ZAN: variants seen among roughly 807,000 people sequenced by gnomAD.
The protein encoded by ZAN is zonadhesin (gene/pseudogene).
ZAN carries 260 observed loss-of-function variants against 286.2 expected under a neutral mutation model. That is an observed-to-expected ratio of 0.91 (90% CI 0.82 to 1.01). The LOEUF (loss-of-function observed/expected upper bound fraction) is 1.01, where lower values mean the gene tolerates loss of function less well. Among genes scored for constraint, ZAN ranks in the 50% least tolerant of loss-of-function variants. ZAN has a pLI of 0.00. For synonymous variants in ZAN, 1,368 were observed against 1,417.5 expected (o/e 0.97, Z 0.79); for missense variants, 3,410 against 3,639.2 (o/e 0.94, Z 1.62).
In ZAN at chr7:100,764,232, C is replaced by T. The variant is rs190987674; in HGVS notation, c.4267+36C>T. ...CCAAACTCAGAGGAGAGGCCGGGCACGGTGGCTCACACCTATAATCCCAGC... is the reference window on the plus strand; with the variant it reads ...CCAAACTCAGAGGAGAGGCCGGGCATGGTGGCTCACACCTATAATCCCAGC... On this transcript the variant is annotated intron_variant, in intron 22 of 47. Transcript: ENST00000613979. The T allele has an allele frequency of 1.9e-4, 280 of 1,475,286 alleles. 1 individual carries two copies. The African/African-American group carries it at 2.7e-3, about 14-fold the overall frequency. 91.4% of individuals were successfully genotyped at this position (1,475,286 alleles called of 1,614,324 possible). A position where few individuals can be genotyped will look rare whatever the true frequency, so the allele number is the denominator to read the frequency against.
Position 100,762,192 on chromosome 7 carries a change from C to G in ZAN, c.3843-23C>G, listed in dbSNP as rs1478288562. 7 of 1,611,630 alleles carry G rather than the reference C, an allele frequency of 4.3e-6. No homozygotes were observed. The East Asian group carries it at 1.3e-4, about 31-fold the overall frequency. ...CGAGGCTGCTTCTCTCCATTAACGC[C>G]AGCTCCTCTCCTGTTCCCCTAGCAC... On this transcript the variant is annotated intron_variant, in intron 19 of 47. Coordinates refer to ENST00000613979, the MANE Select transcript of ZAN (RefSeq NM_003386.3).
At chr7:100,738,961 CCCTCTCCCTCTCCCTCTCCCTCT>C (rs1807540684) in intron 7 of ZAN, among the ~76,000 whole-genome samples, 1 of 24,160 alleles carries the variant, frequency 4.1e-5, no homozygotes, top group African/African-American at 1.4e-4. Context: ...CTCTCCCTCT[CCCTCTCCCTCTCCCTCTCCCTCT>C]CCCTCTCCTT....
chr7:100,736,278 A>T lies in ZAN; in HGVS notation c.107-205A>T, dbSNP rs1260908021. Among the ~76,000 whole-genome samples the T allele has an allele frequency of 2.8e-5, 4 of 142,162 alleles. 1 individual carries two copies. The highest frequency in any genetic ancestry group is 1.0e-4 in the African/African-American group (4 of 39,026). The allele number at this position is 142,162 out of a possible 152,430, so 93.3% of individuals were successfully genotyped here. ...GAGTGCAGTGGCGCGATCTTGGCTCACTGCAAAGTCCGCCTCCTGGGTTCA... is the reference window on the plus strand; with the variant it reads ...GAGTGCAGTGGCGCGATCTTGGCTCTCTGCAAAGTCCGCCTCCTGGGTTCA... On this transcript the variant is annotated intron_variant, in intron 3 of 47. Coordinates refer to ENST00000613979, the MANE Select transcript of ZAN (RefSeq NM_003386.3).
At chr7:100,750,554 G>C (rs1808580792) in intron 11 of ZAN, 71 bp from the exon 12 acceptor site, 1 of 1,540,346 alleles carries the variant, frequency 6.5e-7, no homozygotes, top group African/African-American at 1.4e-5. Flanking sequence ...AGAAAGCAAA[G>C]CTTTGCTAAA....
At position 100,792,388 on chromosome 7, in the gene ZAN, C is replaced by T. The variant is rs1419768179; in HGVS notation, c.7713-17C>T. 6.3e-7 allele frequency: 1 copy of T among 1,594,314 alleles called. No individual in the cohort carries two copies. The highest frequency in any genetic ancestry group is 1.3e-5 in the African/African-American group (1 of 74,464). ...CCCCAAACTGACTGTGCCCTTCCTG[C>T]CCCCTCTCTGCACCAGGCACTGCGT... is the stretch of plus-strand genomic sequence containing the variant. On this transcript the variant is annotated splice_polypyrimidine_tract_variant and intron_variant, in intron 41 of 47. Coordinates refer to ENST00000613979, the MANE Select transcript of ZAN (RefSeq NM_003386.3).
chr7:100,792,044 G>A lies in ZAN; in HGVS notation c.7608G>A (p.Pro2536=), dbSNP rs761994530. 8.7e-6 allele frequency: 14 copies of A among 1,613,172 alleles called. No individual in the cohort carries two copies. The highest frequency in any genetic ancestry group is 1.7e-4 in the Middle Eastern group (1 of 5,726). ...GCCTCCAAGTGTCCGAATGTAGCCC[G>A]GAGCAGCTGGCGAGCAACAGCACCC... ...RTGLQVSECS[P]EQLASNSTQA... The change falls in exon 41 of 48, where the codon CCG becomes CCA. Residue 2536 remains proline (P), a synonymous_variant. Transcript: ENST00000613979.
chr7:100,797,496 G>T, intron 46 of ZAN, 31 bp downstream of exon 46: 1 of 1,613,838 alleles, frequency 6.2e-7, no homozygotes, highest in African/African-American at 1.3e-5. Flanking sequence ...AGGAAGGGCG[G>T]GTGGGGTGTG....
chr7:100,746,175 AC>A (rs1347562184), intron 7 of ZAN, among the ~76,000 whole-genome samples: 1 of 152,012 alleles, frequency 6.6e-6, no homozygotes, highest in East Asian at 1.9e-4. Flanking sequence ...TCTGCAGTGA[AC>A]CATGAGAGCC....
intron 45 of ZAN, among the ~76,000 whole-genome samples, chr7:100,795,594 G>A (rs899221110): frequency 2.0e-5 from 3 of 150,564 alleles, no homozygotes; most frequent in African/African-American, 4.9e-5. Flanking sequence ...CTAGAAATTC[G>A]CAGGACAAGC....
At chr7:100,738,931 C>T (rs368132902) in intron 7 of ZAN, among the ~76,000 whole-genome samples, 1 of 3,358 alleles carries the variant, frequency 3.0e-4, no homozygotes, top group Non-Finnish European at 5.9e-4. Flanking sequence ...CTCTCCCTCT[C>T]CCTCTCCCTC....
At chr7:100,789,630 T>A (rs995817149) in intron 39 of ZAN, among the ~76,000 whole-genome samples, 2 of 149,576 alleles carry the variant, frequency 1.3e-5, no homozygotes, top group Middle Eastern at 7.3e-3. Context: ...GGGAACATAG[T>A]GAGACCCCCG....
Position 100,766,601 on chromosome 7 carries a change from C to A in ZAN, c.4547C>A (p.Pro1516His). 6.4e-7 allele frequency: 1 copy of A among 1,555,784 alleles called. No homozygotes were observed. The change falls in exon 24 of 48, where the codon CCC (proline) becomes CAC (histidine). Residue 1516 changes from proline to histidine, a missense_variant. Around this residue, in one of 7 missense-constraint regions of ZAN, gnomAD observed 1,042 missense variants for 1,058.0 expected, o/e 0.98. Transcript: ENST00000613979. ...CESNNRIRCQ[P>H]WRCRAQEFCG... ...AGCAACAACAGAATTCGCTGCCAGC[C>A]CTGGAGGTGTAGGGCCCAGGAGTTC... is the stretch of plus-strand genomic sequence containing the variant.
At chr7:100,759,952 A>T in intron 18 of ZAN, 107 bp downstream of exon 18, 11 of 1,448,896 alleles carry the variant, frequency 7.6e-6, no homozygotes, top group Non-Finnish European at 1.0e-5. Context: ...CAAGACAGTG[A>T]CCTGCAATCC....
chr7:100,746,060 CA>C (rs111812152), intron 7 of ZAN, among the ~76,000 whole-genome samples: 3 of 149,714 alleles, frequency 2.0e-5, no homozygotes, highest in Admixed American at 1.3e-4. Flanking sequence ...CCTATCTTTT[CA>C]AAAAAAAATG....
chr7:100,780,491 T>G (rs538474288), intron 35 of ZAN, among the ~76,000 whole-genome samples: 1 of 151,868 alleles, frequency 6.6e-6, no homozygotes, highest in Non-Finnish European at 1.5e-5. Context: ...CTGGGCAACA[T>G]AGTGAGACCC....
Position 100,792,461 on chromosome 7 carries a change from G to A in ZAN, c.7769G>A (p.Arg2590His), listed in dbSNP as rs376796357. The A allele has an allele frequency of 1.7e-5, 27 of 1,613,722 alleles. No homozygotes were observed. Among genetic ancestry groups the A allele is most frequent in the African/African-American group, 5.3e-5 (4 of 74,928 alleles). Residue 2590 changes from arginine (R) to histidine (H), a missense_variant, in exon 42 of 48, where the codon CGT becomes CAT. This residue lies in a region of ZAN where 1,289 missense variants were observed against 1,314.3 expected (regional missense o/e 0.98). Transcript: ENST00000613979. Reference sequence around the variant, plus strand: ...GACCCAAGAGAGCAAGAGGAGCTGCGTTGCCAGGTCCTCAGTGGGTACGCC... The same window carrying A: ...GACCCAAGAGAGCAAGAGGAGCTGCATTGCCAGGTCCTCAGTGGGTACGCC... ...AQDPREQEEL[R>H]CQVLSGHGVS...
At chr7:100,778,463 A>C (rs1320771961) in intron 34 of ZAN, among the ~76,000 whole-genome samples, 1 of 151,062 alleles carries the variant, frequency 6.6e-6, no homozygotes, top group Non-Finnish European at 1.5e-5. Flanking sequence ...AAAAGAAAAG[A>C]AAGAAAAATA....
intron 26 of ZAN, 79 bp downstream of exon 26, chr7:100,768,090 C>T: frequency 1.3e-6 from 2 of 1,487,028 alleles, no homozygotes; most frequent in Admixed American, 4.4e-5. Context: ...CCCAACATCT[C>T]TGTGAGGTGT....
At chr7:100,743,058 G>C (rs1270433683) in intron 7 of ZAN, among the ~76,000 whole-genome samples, 3 of 94,772 alleles carry the variant, frequency 3.2e-5, no homozygotes, top group Admixed American at 9.9e-5. Context: ...ACAGAATCTT[G>C]CTGTTGCCAG....
Sources: gnomAD v4.1 joint callset for allele counts (sites outside exome capture counted in the v4.1 genomes callset) on GRCh38, gnomAD v4.1.1 for gene constraint, gnomAD v4.1.1 regional missense constraint, MANE v1.5 for transcripts, NCBI Gene and HGNC (gene_info 2026-07-23, HGNC 2026-07-21) for gene names.